The following ESR1 variants were observed in gnomAD, a reference collection of about 807,000 sequenced individuals.
The protein encoded by ESR1 is estrogen receptor 1.
A neutral mutation model predicts 52.7 loss-of-function variants in ESR1; 12 were observed. That is an observed-to-expected ratio of 0.23 (90% CI 0.15 to 0.37). ESR1 has a LOEUF of 0.37. Among genes scored for constraint, ESR1 ranks in the 10% least tolerant of loss-of-function variants. ESR1 has a pLI of 1.00. For synonymous variants in ESR1, 305 were observed against 316.8 expected (o/e 0.96, Z 0.39); for missense variants, 584 against 779.7 (o/e 0.75, Z 2.99).
intron 6 of ESR1, among the ~76,000 whole-genome samples, chr6:152,078,882 G>A (rs2048965169): frequency 6.6e-6 from 1 of 152,260 alleles, no homozygotes; most frequent in Admixed American, 6.5e-5. Flanking sequence ...TAGCGCAGCA[G>A]TCTGAGATCA....
At chr6:152,029,647 G>A (rs1249603470) in intron 5 of ESR1, among the ~76,000 whole-genome samples, 1 of 152,180 alleles carries the variant, frequency 6.6e-6, no homozygotes, top group East Asian at 1.9e-4. Context: ...TATGTGAAAA[G>A]ACCAAATCTA....
chr6:151,882,210 C>A (rs1793060790), intron 3 of ESR1, among the ~76,000 whole-genome samples: 1 of 152,120 alleles, frequency 6.6e-6, no homozygotes, highest in Non-Finnish European at 1.5e-5. Context: ...TGTTAACAAG[C>A]TTACAGTGAC....
At position 152,102,479 on chromosome 6, in the gene ESR1, A is replaced by G. The variant is rs763954311; in HGVS notation, c.*3513A>G. 5 of 209,406 alleles carry G rather than the reference A, an allele frequency of 2.4e-5. No individual in the cohort carries two copies. The highest frequency in any genetic ancestry group is 3.9e-5 in the Non-Finnish European group (4 of 103,016). 13.0% of individuals were successfully genotyped at this position (209,406 alleles called of 1,614,324 possible). On this transcript the variant is annotated 3_prime_UTR_variant, in exon 8 of 8. Transcript: ENST00000206249. ...TCATACAGTAGCTCAAAAGGCAACC[A>G]TAATTCTCTTTGGTGCAGGTCTTGG...
intron 3 of ESR1, among the ~76,000 whole-genome samples, chr6:151,927,124 A>C (rs2032876616): frequency 6.6e-6 from 1 of 152,076 alleles, no homozygotes; most frequent in African/African-American, 2.4e-5. Flanking sequence ...TCCCGTTTTC[A>C]CTGTTAATGT....
intron 4 of ESR1, among the ~76,000 whole-genome samples, chr6:151,947,131 A>G (rs1377635133): frequency 6.6e-6 from 1 of 152,218 alleles, no homozygotes; most frequent in East Asian, 1.9e-4. Context: ...CAGCCTGGCC[A>G]ACATGACAAA....
At chr6:151,928,211 T>C (rs1295145009) in intron 3 of ESR1, among the ~76,000 whole-genome samples, 1 of 152,162 alleles carries the variant, frequency 6.6e-6, no homozygotes, top group Non-Finnish European at 1.5e-5. Context: ...AATTTGAAAA[T>C]ATCATAAGTC....
intron 5 of ESR1, among the ~76,000 whole-genome samples, chr6:152,021,113 G>A (rs1216119510): frequency 1.3e-5 from 2 of 152,120 alleles, no homozygotes; most frequent in Non-Finnish European, 2.9e-5. Context: ...TGTTACCAAA[G>A]GAGATTAATA....
intron 4 of ESR1, among the ~76,000 whole-genome samples, chr6:151,969,730 T>C (rs1584541419): frequency 1.3e-5 from 2 of 152,310 alleles, no homozygotes; most frequent in Non-Finnish European, 2.9e-5. Flanking sequence ...TTAGCCTGTT[T>C]CCATTGTGAG....
At chr6:151,703,576 A>G (rs1172757696) in intron 2 of ESR1, among the ~76,000 whole-genome samples, 1 of 152,222 alleles carries the variant, frequency 6.6e-6, no homozygotes, top group African/African-American at 2.4e-5. Flanking sequence ...AGGCGCCTGT[A>G]GCTCTTTGCC....
At chr6:151,806,530 GTATA>G (rs56020486), upstream of ESR1, among the ~76,000 whole-genome samples, 1,085 of 96,426 alleles carry the variant, frequency 0.011, 47 homozygotes, top group East Asian at 0.1. Context: ...TCCTTAATAT[GTATA>G]TATATATATA....
chr6:151,712,849 C>T (rs1780728597), intron 2 of ESR1, among the ~76,000 whole-genome samples: 1 of 152,142 alleles, frequency 6.6e-6, no homozygotes, highest in African/African-American at 2.4e-5. Context: ...TGCCTGATTG[C>T]CCTGGCCAGA....
intron 2 of ESR1, among the ~76,000 whole-genome samples, chr6:151,781,162 A>G (rs549381747): frequency 6.6e-6 from 1 of 152,364 alleles, no homozygotes; most frequent in East Asian, 1.9e-4. Context: ...TAATTAATTT[A>G]TCTAAGTGTC....
chr6:151,891,460 A>G (rs891002511), intron 3 of ESR1, among the ~76,000 whole-genome samples: 1 of 152,208 alleles, frequency 6.6e-6, no homozygotes, highest in Non-Finnish European at 1.5e-5. Context: ...AAAATTCTGT[A>G]AGTCCCCAGG....
chr6:152,030,109 C>T (rs1233923668), intron 5 of ESR1, among the ~76,000 whole-genome samples: 1 of 152,130 alleles, frequency 6.6e-6, no homozygotes, highest in Non-Finnish European at 1.5e-5. Context: ...TTTGTCACCA[C>T]CAGGCCTGCC....
At chr6:151,932,451 A>C (rs538764745) in intron 3 of ESR1, among the ~76,000 whole-genome samples, 2,351 of 129,256 alleles carry the variant, frequency 0.018, 36 homozygotes, top group East Asian at 0.087. Flanking sequence ...GAAGCTCTTT[A>C]GTTTAATTAG....
intron 4 of ESR1, among the ~76,000 whole-genome samples, chr6:151,982,395 C>T (rs1040453510): frequency 6.6e-6 from 1 of 152,282 alleles, no homozygotes; most frequent in Admixed American, 6.5e-5. Flanking sequence ...TAGAACAGTG[C>T]TTGTCTAATA....
intron 2 of ESR1, among the ~76,000 whole-genome samples, chr6:151,864,782 T>C (rs1302294458): frequency 2.6e-5 from 4 of 152,112 alleles, no homozygotes; most frequent in African/African-American, 9.7e-5. Context: ...GTTCATATAC[T>C]TTGTAGGGAC....
At chr6:151,871,314 G>A (rs1790920365) in intron 2 of ESR1, among the ~76,000 whole-genome samples, 1 of 152,104 alleles carries the variant, frequency 6.6e-6, no homozygotes, top group Admixed American at 6.5e-5. Flanking sequence ...TCATTTTTAA[G>A]TGTACGGTTC....
chr6:151,992,904 T>C (rs1289238938), intron 4 of ESR1, among the ~76,000 whole-genome samples: 1 of 152,156 alleles, frequency 6.6e-6, no homozygotes, highest in African/African-American at 2.4e-5. Flanking sequence ...TATTATCTAG[T>C]ACTTGCGATG....
Sources: gnomAD v4.1 joint callset for allele counts (sites outside exome capture counted in the v4.1 genomes callset) on GRCh38, gnomAD v4.1.1 for gene constraint, MANE v1.5 for transcripts, NCBI Gene and HGNC (gene_info 2026-07-23, HGNC 2026-07-21) for gene names.